Variants in HTR2C observed in about 807,000 individuals in gnomAD.
HTR2C encodes 5-hydroxytryptamine (serotonin) receptor 2C, G protein-coupled.
Under a neutral mutation model 21.0 loss-of-function variants are expected in HTR2C, and 5 were observed. The ratio of observed to expected loss-of-function variants is 0.24; its 90% CI spans 0.12 to 0.50. HTR2C has a LOEUF of 0.50. Ranked by LOEUF, HTR2C falls within the 20% of genes least tolerant of loss-of-function variation. The probability of loss-of-function intolerance (pLI) is 0.98; values close to 1 mark genes in which losing one functional copy is unlikely to be tolerated. For synonymous variants in HTR2C, 150 were observed against 145.3 expected (o/e 1.03, Z -0.23); for missense variants, 271 against 371.2 (o/e 0.73, Z 2.22).
chrX:114,586,264 C>G (rs1382276939), intron 1 of HTR2C, among the ~76,000 whole-genome samples: 3 of 111,428 alleles, frequency 2.7e-5, no homozygotes, highest in African/African-American at 9.8e-5. Flanking sequence ...CTCCTTAGCA[C>G]CTGGCTGTTT....
Position 114,652,700 on chromosome X carries a change from T to C in HTR2C, c.-80+38819T>C, listed in dbSNP as rs781789055. The C allele has an allele frequency of 3.5e-5, 13 of 374,530 alleles. No individual in the cohort carries two copies. The East Asian group carries it at 9.9e-4, about 29-fold the overall frequency. 30.9% of individuals were successfully genotyped at this position (374,530 alleles called of 1,213,427 possible). On this transcript the variant is annotated intron_variant, in intron 2 of 5. Coordinates refer to ENST00000276198, the MANE Select transcript of HTR2C (RefSeq NM_000868.4). Reference sequence around the variant, plus strand: ...TTGAAAGAATAAATAAACCAACAAGTCTTATTTGAGCACCTGTTATGTGGA... The same window carrying C: ...TTGAAAGAATAAATAAACCAACAAGCCTTATTTGAGCACCTGTTATGTGGA...
chrX:114,638,009 G>A (rs782264758), intron 2 of HTR2C, among the ~76,000 whole-genome samples: 4 of 111,718 alleles, frequency 3.6e-5, no homozygotes, highest in African/African-American at 1.3e-4. Context: ...TAAGAAAATA[G>A]ATCTGCATCC....
At position 114,603,683 on chromosome X, in the gene HTR2C, T is replaced by C. The variant is rs1261386300; in HGVS notation, c.-146-10132T>C. On this transcript the variant is annotated intron_variant, in intron 1 of 5. Coordinates refer to ENST00000276198, the MANE Select transcript of HTR2C (RefSeq NM_000868.4). Reference sequence around the variant, plus strand: ...TGTGAAGCTTTGCGGCAGTACAGCCTAGGTAATTTGCTGAGCTTGATGGGT... The same window carrying C: ...TGTGAAGCTTTGCGGCAGTACAGCCCAGGTAATTTGCTGAGCTTGATGGGT... 4.2e-4 allele frequency among the ~76,000 whole-genome samples: 13 copies of C among 30,728 alleles called. 2 individuals carry two copies. The highest frequency in any genetic ancestry group is 1.4e-3 in the African/African-American group (11 of 7,999). The allele number at this position is 30,728 out of a possible 115,157, so 26.7% of individuals were successfully genotyped here. A position where few individuals can be genotyped will look rare whatever the true frequency, so the allele number is the denominator to read the frequency against.
chrX:114,729,288 A>G (rs1429557199), intron 3 of HTR2C, among the ~76,000 whole-genome samples: 2 of 111,920 alleles, frequency 1.8e-5, no homozygotes, highest in Non-Finnish European at 3.8e-5. Context: ...TACCTCCAGC[A>G]TTTACTGAAG....
At chrX:114,743,014 A>C (rs1556425559) in intron 4 of HTR2C, among the ~76,000 whole-genome samples, 1 of 64,873 alleles carries the variant, frequency 1.5e-5, no homozygotes, top group African/African-American at 5.9e-5. Context: ...TTTACTGAGA[A>C]TGATGGTTTC....
intron 1 of HTR2C, among the ~76,000 whole-genome samples, chrX:114,597,019 A>T (rs976932822): frequency 2.4e-4 from 26 of 110,189 alleles, no homozygotes; most frequent in African/African-American, 8.3e-4. Context: ...GGAGTTCGAG[A>T]CCAGCCTGGC....
chrX:114,676,556 C>T (rs1017206567), intron 2 of HTR2C, among the ~76,000 whole-genome samples: 1 of 112,189 alleles, frequency 8.9e-6, no homozygotes, highest in Non-Finnish European at 1.9e-5. Flanking sequence ...AGGAAGAATT[C>T]ATTGTAATCT....
At position 114,725,859 on chromosome X, in the gene HTR2C, G is replaced by A. The variant is rs189663403; in HGVS notation, c.-79-999G>A. ...AGGGGTCAGGAACCCACTTGAGGAG[G>A]CAGTCTGCCCGTTCTCAGATCTCCA... On this transcript the variant is annotated intron_variant, in intron 2 of 5. Coordinates refer to ENST00000276198, the MANE Select transcript of HTR2C (RefSeq NM_000868.4). Among the ~76,000 whole-genome samples the A allele has an allele frequency of 7.2e-3, 794 of 109,752 alleles. 11 individuals carry two copies. Among genetic ancestry groups the A allele is most frequent in the African/African-American group, 0.025 (748 of 30,394 alleles).
At chrX:114,760,418 T>C (rs2069854189) in intron 4 of HTR2C, among the ~76,000 whole-genome samples, 1 of 112,151 alleles carries the variant, frequency 8.9e-6, no homozygotes, top group Admixed American at 9.5e-5. Context: ...TCTGATTCTC[T>C]ATCTAGACAT....
chrX:114,899,931 T>G (rs893807848), intron 5 of HTR2C, among the ~76,000 whole-genome samples: 55 of 111,834 alleles, frequency 4.9e-4, no homozygotes, highest in African/African-American at 1.7e-3. Context: ...ATATGATCAC[T>G]GAACATAAAA....
chrX:114,879,666 T>C (rs1477691797), intron 5 of HTR2C, among the ~76,000 whole-genome samples: 4 of 110,954 alleles, frequency 3.6e-5, no homozygotes, highest in African/African-American at 1.3e-4. Flanking sequence ...CTTTGCATCC[T>C]GATAGCTTCG....
intron 4 of HTR2C, among the ~76,000 whole-genome samples, chrX:114,742,411 C>T (rs1000148008): frequency 9.0e-6 from 1 of 110,905 alleles, no homozygotes; most frequent in Non-Finnish European, 1.9e-5. Flanking sequence ...CTCAAAGCAG[C>T]GTAGCCAAGG....
chrX:114,711,672 T>C (rs916997036), intron 2 of HTR2C, among the ~76,000 whole-genome samples: 13 of 112,139 alleles, frequency 1.2e-4, no homozygotes, highest in African/African-American at 4.2e-4. Context: ...AATGTGTTTT[T>C]TAAAAATCAC....
chrX:114,620,973 C>T (rs375435654), intron 2 of HTR2C, among the ~76,000 whole-genome samples: 99 of 111,612 alleles, frequency 8.9e-4, no homozygotes, highest in African/African-American at 2.8e-3. Context: ...CTCTGTCTCC[C>T]GGGTTCAGGT....
At chrX:114,810,169 T>TCC (rs2070517492) in intron 4 of HTR2C, among the ~76,000 whole-genome samples, 1 of 111,354 alleles carries the variant, frequency 9.0e-6, no homozygotes, top group African/African-American at 3.3e-5. Flanking sequence ...AAGTCCTCAA[T>TCC]CCTCTCCCCT....
chrX:114,665,364 A>G lies in HTR2C; in HGVS notation c.-80+51483A>G, dbSNP rs188561804. 3.8e-3 allele frequency among the ~76,000 whole-genome samples: 422 copies of G among 112,047 alleles called. 4 individuals are homozygous for G. Among genetic ancestry groups the G allele is most frequent in the Admixed American group, 7.9e-3 (83 of 10,530 alleles). On this transcript the variant is annotated intron_variant, in intron 2 of 5. Transcript: ENST00000276198. The stretch of plus-strand genomic sequence containing the variant: ...TCTTTAGGGCCAACTGTAGTAGCTA[A>G]ATCCAAAACAATGGACTGGCATAAT...
At chrX:114,676,544 A>G (rs1556412727) in intron 2 of HTR2C, among the ~76,000 whole-genome samples, 1 of 112,501 alleles carries the variant, frequency 8.9e-6, no homozygotes, top group African/African-American at 3.2e-5. Flanking sequence ...ATCCATTTGG[A>G]AAGGAAGAAT....
At chrX:114,603,898 C>T (rs1365184090) in intron 1 of HTR2C, among the ~76,000 whole-genome samples, 1 of 103,160 alleles carries the variant, frequency 9.7e-6, no homozygotes, top group Non-Finnish European at 2.0e-5. Context: ...GGCGCAGATC[C>T]TGAACTAACT....
intron 2 of HTR2C, among the ~76,000 whole-genome samples, chrX:114,708,280 T>A (rs782381698): frequency 1.8e-5 from 2 of 110,522 alleles, no homozygotes; most frequent in South Asian, 7.4e-4. Flanking sequence ...TGGCCACATA[T>A]CAGATTAAAC....
Sources: allele counts gnomAD v4.1 joint callset (sites outside exome capture counted in the v4.1 genomes callset), GRCh38; gene constraint gnomAD v4.1.1; transcripts MANE v1.5; gene names NCBI Gene and HGNC (gene_info 2026-07-23, HGNC 2026-07-21).